KRT79: variants seen among roughly 807,000 people sequenced by gnomAD.
KRT79 encodes the protein keratin, type II cytoskeletal 79.
In KRT79, 51 loss-of-function variants were observed where a neutral mutation model predicts 49.0. The observed-to-expected ratio is 1.04, with a 90% CI of 0.83 to 1.31. The LOEUF (loss-of-function observed/expected upper bound fraction) is 1.31. Ranked by LOEUF, KRT79 falls within the 40% of genes most tolerant of loss-of-function variation. KRT79 has a pLI of 0.00. For missense variants in KRT79, 728 were observed against 688.0 expected, an observed-to-expected ratio of 1.06 and a Z score of -0.65; for synonymous variants, 312 against 286.6, an observed-to-expected ratio of 1.09 and a Z score of -0.90.
At chr12:52,832,023 C>G (rs756325920) in intron 1 of KRT79, among the ~76,000 whole-genome samples, 1 of 152,206 alleles carries the variant, frequency 6.6e-6, no homozygotes, top group Non-Finnish European at 1.5e-5. Flanking sequence ...AAATCACACA[C>G]TTTGGGAGCC....
In KRT79 at chr12:52,823,952, C is replaced by T. The variant is rs957307838; in HGVS notation, c.1081G>A (p.Glu361Lys). The T allele has an allele frequency of 1.3e-5, 21 of 1,614,136 alleles. No homozygotes were observed. The highest frequency in any genetic ancestry group is 1.6e-5 in the Non-Finnish European group (19 of 1,180,008). The change falls in exon 6 of 9, where the codon GAG becomes AAG. Residue 361 changes from glutamate (E) to lysine (K), a missense_variant. Coordinates refer to ENST00000330553, the MANE Select transcript of KRT79 (RefSeq NM_175834.3). ...ATAGTGCGGGTGAGCTCAGCAATCT[C>T]GTTCTTGGTGTCCCGCAGGTTGTCC... ...HGDNLRDTKN[E>K]IAELTRTIQR...
rs79249140 is a variant in KRT79, at chr12:52,829,289, A to G, written c.855+734T>C. Among the ~76,000 whole-genome samples, 1,374 of 152,108 alleles carry G rather than the reference A, an allele frequency of 9.0e-3. 20 individuals are homozygous for G. Among genetic ancestry groups the G allele is most frequent in the African/African-American group, 0.032 (1,324 of 41,478 alleles). ...TACCCACGCCTCACCTTCTACTCCA[A>G]TCTGGAATCCCAGTCCCTCCTCTCT... On this transcript the variant is annotated intron_variant, in intron 4 of 8. Transcript: ENST00000330553.
Position 52,821,629 on chromosome 12 carries a change from AGTCACCC to A in KRT79, c.*236_*242del. ...CTCGGTGGTCAAAAGGTCACCCCCAAGTCACCCAAGCACATCACTCAAGCTGGCAACT... is the reference window on the plus strand; with the variant it reads ...CTCGGTGGTCAAAAGGTCACCCCCAAAAGCACATCACTCAAGCTGGCAACT... On this transcript the variant is annotated 3_prime_UTR_variant, in exon 9 of 9. Transcript: ENST00000330553. The A allele has an allele frequency of 5.6e-6, 3 of 536,536 alleles. No homozygotes were observed. The highest frequency in any genetic ancestry group is 2.0e-5 in the African/African-American group (1 of 50,510). 33.2% of individuals were successfully genotyped at this position (536,536 alleles called of 1,614,324 possible).
intron 7 of KRT79, among the ~76,000 whole-genome samples, chr12:52,822,802 G>T (rs932829052): frequency 6.6e-6 from 1 of 152,086 alleles, no homozygotes. Context: ...CATTCCTACC[G>T]GGCTGTCAGC....
rs140399888 is a variant in KRT79, at chr12:52,823,125, C to T, written c.1258G>A (p.Glu420Lys). ...TCACGCAGCAGCCGTGTCAGGTCCT[C>T]CTTGGCCTGGTGCAGGGCCACATCC... Reference protein sequence around the residue: ...DLDVALHQAKEDLTRLLRDYQ... With the variant: ...DLDVALHQAKKDLTRLLRDYQ... The change falls in exon 7 of 9, where the codon GAG (glutamate) becomes AAG (lysine). Residue 420 changes from glutamate (E) to lysine (K), a missense_variant. Transcript: ENST00000330553. 6.2e-7 allele frequency: 1 copy of T among 1,614,226 alleles called. No homozygotes were observed. Among genetic ancestry groups the T allele is most frequent in the Non-Finnish European group, 8.5e-7 (1 of 1,180,028 alleles).
rs1442362821 is a variant in KRT79 at position 52,830,227 on chromosome 12, C to A, written c.759+5G>T. 1 of 1,614,226 alleles carries A rather than the reference C, an allele frequency of 6.2e-7. No homozygotes were observed. The highest frequency in any genetic ancestry group is 8.5e-7 in the Non-Finnish European group (1 of 1,180,036). ...GGACCACCTCCCCCACTCCACTCGG[C>A]TCACCTTCTTGAGCACCACAAACTC... On this transcript the variant is annotated splice_donor_5th_base_variant and intron_variant, in intron 3 of 8. Coordinates refer to ENST00000330553, the MANE Select transcript of KRT79 (RefSeq NM_175834.3).
At chr12:52,823,416 T>G (rs544589036) in intron 6 of KRT79, among the ~76,000 whole-genome samples, 180 bp from the exon 7 acceptor site, 3 of 152,220 alleles carry the variant, frequency 2.0e-5, no homozygotes, top group Non-Finnish European at 4.4e-5. Flanking sequence ...GTAAGGCCAC[T>G]GGGAAAGTCC....
At chr12:52,822,735 AT>A (rs112164202) in intron 7 of KRT79, among the ~76,000 whole-genome samples, 2,618 of 151,810 alleles carry the variant, frequency 0.017, 82 homozygotes, top group African/African-American at 0.06. Context: ...GAGATGGTGG[AT>A]TTTTTTTTCC....
intron 4 of KRT79, among the ~76,000 whole-genome samples, chr12:52,828,553 T>C (rs1940207037): frequency 6.6e-6 from 1 of 152,228 alleles, no homozygotes; most frequent in Non-Finnish European, 1.5e-5. Flanking sequence ...CTTAAAATGT[T>C]GGGATGACAC....
At position 52,833,786 on chromosome 12, in the gene KRT79, T is replaced by C. The variant is rs1940290710; in HGVS notation, c.475A>G (p.Lys159Glu). 6.2e-7 allele frequency: 1 copy of C among 1,612,828 alleles called. No homozygotes were observed. The highest frequency in any genetic ancestry group is 1.1e-5 in the South Asian group (1 of 91,020). The change falls in exon 1 of 9, where the codon AAG (lysine) becomes GAG (glutamate). Residue 159 changes from lysine (K) to glutamate (E), a missense_variant and splice_region_variant. Lys to Glu is a moderately conservative substitution (Grantham distance 56, BLOSUM62 1). Transcript: ENST00000330553. ...LNNKFASFIDKVRFLEQQNKV... is the reference protein window; with the variant it reads ...LNNKFASFIDEVRFLEQQNKV... ...TTCCTCCTTCCTGCTTGGCCCACCT[T>C]GTCGATGAAGGAGGCGAACTTGTTG...
chr12:52,831,490 G>T lies in KRT79; in HGVS notation c.614C>A (p.Thr205Lys). The stretch of plus-strand genomic sequence containing the variant: ...CCGCTCGCTCTGAAGTCTGTCCAGC[G>T]TGCTCCGCATGCTACCCAGGTAGGC... ...FEAYLGSMRS[T>K]LDRLQSERGR... The change falls in exon 2 of 9, where the codon ACG (threonine) becomes AAG (lysine). Residue 205 changes from threonine (T) to lysine (K), a missense_variant. Physicochemically the swap from Thr to Lys is moderately conservative, Grantham distance 78 (BLOSUM62 -1). Coordinates refer to ENST00000330553, the MANE Select transcript of KRT79 (RefSeq NM_175834.3). The T allele has an allele frequency of 6.2e-7, 1 of 1,614,230 alleles. No homozygotes were observed. The highest frequency in any genetic ancestry group is 8.5e-7 in the Non-Finnish European group (1 of 1,180,034).
intron 4 of KRT79, among the ~76,000 whole-genome samples, chr12:52,828,019 C>T (rs1565691386): frequency 1.3e-5 from 2 of 152,114 alleles, no homozygotes; most frequent in Non-Finnish European, 2.9e-5. Flanking sequence ...AGCAAATGGC[C>T]TGATTTTCAA....
chr12:52,831,041 AG>A (rs929692966), intron 2 of KRT79, among the ~76,000 whole-genome samples: 1 of 152,152 alleles, frequency 6.6e-6, no homozygotes, highest in Admixed American at 6.5e-5. Flanking sequence ...CAAGACTACA[AG>A]GGAATCAGAA....
intron 4 of KRT79, among the ~76,000 whole-genome samples, chr12:52,828,843 C>T (rs779858899): frequency 1.3e-5 from 2 of 152,190 alleles, no homozygotes; most frequent in Admixed American, 6.5e-5. Context: ...CACTAAAAGC[C>T]CTGTTTCCTG....
Position 52,831,602 on chromosome 12 carries a change from T to C in KRT79, c.502A>G (p.Lys168Glu), listed in dbSNP as rs760220340. 5.3e-5 allele frequency: 86 copies of C among 1,614,016 alleles called. No homozygotes were observed. Among genetic ancestry groups the C allele is most frequent in the Non-Finnish European group, 7.2e-5 (85 of 1,180,008 alleles). ...AGTGCCCACTTGGTCTCCAGCACCT[T>C]ATTCTGTTGCTCCAGGAACCGCACC... ...DKVRFLEQQN[K>E]VLETKWALLQ... The change falls in exon 2 of 9, where the codon AAG becomes GAG. Residue 168 changes from lysine to glutamate, a missense_variant. By Grantham distance (56) the Lys-to-Glu change is moderately conservative (BLOSUM62 1). Coordinates refer to ENST00000330553, the MANE Select transcript of KRT79 (RefSeq NM_175834.3).
In KRT79 at chr12:52,833,994, G is replaced by C. The variant is rs1205943872; in HGVS notation, c.267C>G (p.Gly89=). The part of the protein sequence containing the change: ...ALLGRALGGF[G]FGSRAFMGQG... ...GTCCCATAAATGCCCTGCTGCCAAA[G>C]CCAAAGCCCCCCAGAGCCCGCCCCA... Residue 89 remains glycine, a synonymous_variant, in exon 1 of 9, where the codon GGC becomes GGG. Transcript: ENST00000330553. The C allele has an allele frequency of 6.2e-7, 1 of 1,612,476 alleles. No individual in the cohort carries two copies. Among genetic ancestry groups the C allele is most frequent in the Non-Finnish European group, 8.5e-7 (1 of 1,179,132 alleles).
rs760480253 is a variant in KRT79 at position 52,823,231 on chromosome 12, C to T, written c.1152G>A (p.Gln384=). Residue 384 remains glutamine, a synonymous_variant, in exon 7 of 9, where the codon CAG becomes CAA. Transcript: ENST00000330553. ...GEADAAKKQC[Q]QLQTAIAEAE... ...CTTCCGCAATGGCCGTCTGCAGCTG[C>T]TGACACTGCCCAGGGGAGAAAGGTG... 1.2e-6 allele frequency: 2 copies of T among 1,614,014 alleles called. No individual in the cohort carries two copies. Among genetic ancestry groups the T allele is most frequent in the Admixed American group, 3.3e-5 (2 of 60,010 alleles).
intron 4 of KRT79, among the ~76,000 whole-genome samples, chr12:52,826,788 G>T (rs947300283): frequency 6.6e-6 from 1 of 152,124 alleles, no homozygotes; most frequent in Non-Finnish European, 1.5e-5. Flanking sequence ...GTGATAGGTG[G>T]TTCATCCCCC....
At chr12:52,825,348 A>G (rs1401091113) in intron 4 of KRT79, among the ~76,000 whole-genome samples, 1 of 152,220 alleles carries the variant, frequency 6.6e-6, no homozygotes, top group South Asian at 2.1e-4. Flanking sequence ...CCTTCATGGC[A>G]GCCCAGGGAA....
Sources: gnomAD v4.1 joint callset for allele counts (sites outside exome capture counted in the v4.1 genomes callset) on GRCh38, gnomAD v4.1.1 for gene constraint, MANE v1.5 for transcripts, NCBI Gene and HGNC (gene_info 2026-07-23, HGNC 2026-07-21) for gene names.